PEBP4: variants seen among roughly 807,000 people sequenced by gnomAD.
PEBP4 encodes the protein phosphatidylethanolamine-binding protein 4.
PEBP4 carries 22 observed loss-of-function variants against 23.9 expected under a neutral mutation model. The ratio of observed to expected loss-of-function variants is 0.92; its 90% confidence interval spans 0.66 to 1.31. PEBP4 has a LOEUF of 1.31. PEBP4 is among the 40% of genes most tolerant of loss of function. The pLI is 0.00. For synonymous variants in PEBP4, 112 were observed against 99.3 expected (o/e 1.13, Z -0.76); for missense variants, 324 against 281.7 (o/e 1.15, Z -1.07).
At chr8:22,738,982 T>C (rs1278327734) in intron 4 of PEBP4, among the ~76,000 whole-genome samples, 1 of 152,002 alleles carries the variant, frequency 6.6e-6, no homozygotes, top group Admixed American at 6.5e-5. Context: ...AAGGGGTTGG[T>C]GGCCAGGCTG....
chr8:22,784,673 C>T (rs1006542191), intron 4 of PEBP4, among the ~76,000 whole-genome samples: 5 of 152,210 alleles, frequency 3.3e-5, no homozygotes, highest in Admixed American at 2.0e-4. Flanking sequence ...TTGTAACCAC[C>T]GCCTTATTGA....
intron 3 of PEBP4, among the ~76,000 whole-genome samples, chr8:22,912,405 T>C (rs912740297): frequency 1.3e-5 from 2 of 152,152 alleles, no homozygotes; most frequent in Non-Finnish European, 1.5e-5. Flanking sequence ...AGTGAATACA[T>C]GAATGACTGA....
chr8:22,752,897 G>A (rs144365647), intron 4 of PEBP4, among the ~76,000 whole-genome samples: 159 of 152,300 alleles, frequency 1.0e-3, no homozygotes, highest in African/African-American at 3.6e-3. Context: ...GGGGATGCCC[G>A]TTAATTTTAC....
At chr8:22,783,707 C>T (rs1177064819) in intron 4 of PEBP4, among the ~76,000 whole-genome samples, 1 of 152,230 alleles carries the variant, frequency 6.6e-6, no homozygotes, top group Admixed American at 6.5e-5. Flanking sequence ...TGGAGTCTTA[C>T]TCTGTTACCC....
intron 3 of PEBP4, among the ~76,000 whole-genome samples, chr8:22,899,808 A>T (rs1466250888): frequency 6.6e-6 from 1 of 152,194 alleles, no homozygotes. Flanking sequence ...TGTGGGCATT[A>T]TGTCACTTGA....
intron 4 of PEBP4, among the ~76,000 whole-genome samples, chr8:22,792,027 C>CTTTT (rs34005416): frequency 5.6e-4 from 82 of 146,248 alleles, no homozygotes; most frequent in African/African-American, 1.1e-3. Context: ...TGGCTAAGAA[C>CTTTT]TTTTTTTTTT....
chr8:22,740,740 C>T (rs2128750424), intron 4 of PEBP4, among the ~76,000 whole-genome samples: 1 of 152,264 alleles, frequency 6.6e-6, no homozygotes, highest in Non-Finnish European at 1.5e-5. Context: ...CAAGTCAGAC[C>T]CTTCAGACAG....
intron 4 of PEBP4, among the ~76,000 whole-genome samples, chr8:22,767,099 C>T (rs988449158): frequency 6.6e-6 from 1 of 152,242 alleles, no homozygotes; most frequent in Admixed American, 6.5e-5. Flanking sequence ...CAGATTCTCC[C>T]TTCTCAGGAG....
intron 4 of PEBP4, among the ~76,000 whole-genome samples, chr8:22,783,709 C>T (rs557015353): frequency 2.4e-4 from 37 of 152,340 alleles, no homozygotes; most frequent in African/African-American, 8.9e-4. Flanking sequence ...GAGTCTTACT[C>T]TGTTACCCAA....
intron 3 of PEBP4, among the ~76,000 whole-genome samples, chr8:22,819,036 A>C (rs1412092266): frequency 1.3e-5 from 2 of 152,198 alleles, no homozygotes; most frequent in African/African-American, 4.8e-5. Context: ...GCCCCTCAGA[A>C]TATAGGTATG....
chr8:22,920,345 G>T, intron 2 of PEBP4, 35 bp from the exon 3 acceptor site: 1 of 1,590,732 alleles, frequency 6.3e-7, no homozygotes, highest in Non-Finnish European at 8.6e-7. Context: ...CCTGTGTCAG[G>T]GTTTTAAGGG....
At chr8:22,900,267 G>T (rs773559010) in intron 3 of PEBP4, among the ~76,000 whole-genome samples, 65 of 152,198 alleles carry the variant, frequency 4.3e-4, no homozygotes, top group Non-Finnish European at 1.3e-4. Flanking sequence ...ACTTTAGTGA[G>T]CACCTACTAC....
chr8:22,889,825 T>C (rs1344977659), intron 3 of PEBP4, among the ~76,000 whole-genome samples: 1 of 152,266 alleles, frequency 6.6e-6, no homozygotes, highest in Non-Finnish European at 1.5e-5. Flanking sequence ...GTATTTCAGC[T>C]AATGTGACTA....
intron 3 of PEBP4, among the ~76,000 whole-genome samples, chr8:22,822,023 G>C (rs578131041): frequency 3.7e-4 from 56 of 151,792 alleles, no homozygotes; most frequent in Admixed American, 5.9e-4. Flanking sequence ...AGAGAGTTCG[G>C]AAGAGAGCCA....
chr8:22,898,443 T>A, intron 3 of PEBP4, among the ~76,000 whole-genome samples: 2 of 132,678 alleles, frequency 1.5e-5, no homozygotes, highest in African/African-American at 5.6e-5. Flanking sequence ...CCACCCAGTC[T>A]ATGGTATTTT....
chr8:22,926,557 G>A (rs1809339240), intron 2 of PEBP4, among the ~76,000 whole-genome samples: 1 of 152,050 alleles, frequency 6.6e-6, no homozygotes, highest in Admixed American at 6.6e-5. Flanking sequence ...ATGTTGCCCA[G>A]GCTGGTCTCA....
intron 4 of PEBP4, among the ~76,000 whole-genome samples, chr8:22,742,648 T>G (rs1313265894): frequency 1.3e-5 from 2 of 152,310 alleles, no homozygotes; most frequent in African/African-American, 4.8e-5. Context: ...GCCTAGACAG[T>G]GGCAGAGGAT....
intron 4 of PEBP4, among the ~76,000 whole-genome samples, chr8:22,803,934 G>A (rs987118941): frequency 2.0e-5 from 3 of 152,184 alleles, no homozygotes; most frequent in Non-Finnish European, 1.5e-5. Context: ...CACGGCTCTT[G>A]CCTTGGTGTA....
intron 3 of PEBP4, chr8:22,895,462 T>C (rs1384907980): frequency 6.6e-6 from 1 of 152,198 alleles, no homozygotes; most frequent in Non-Finnish European, 1.5e-5. Flanking sequence ...TTTTCCTTGG[T>C]TGTCTTCAGA....
Sources: allele counts gnomAD v4.1 joint callset (sites outside exome capture counted in the v4.1 genomes callset), GRCh38; gene constraint gnomAD v4.1.1; transcripts MANE v1.5; gene names NCBI Gene and HGNC (gene_info 2026-07-23, HGNC 2026-07-21).